The following CENPP variants were observed in gnomAD, a reference collection of about 807,000 sequenced individuals.
CENPP encodes the protein centromere protein P.
Under a neutral mutation model 35.6 loss-of-function variants are expected in CENPP, and 24 were observed. The ratio of observed to expected loss-of-function variants is 0.67; its 90% CI spans 0.49 to 0.95. CENPP has a LOEUF of 0.95. Among genes scored for constraint, CENPP ranks in the 40% least tolerant of loss-of-function variants. The probability of loss-of-function intolerance (pLI) is 0.00; values close to 1 mark genes in which losing one functional copy is unlikely to be tolerated. For synonymous variants in CENPP, 120 were observed against 125.5 expected (o/e 0.96, Z 0.29); for missense variants, 332 against 345.3 (o/e 0.96, Z 0.31).
At chr9:92,588,392 C>T (rs1387406754) in intron 5 of CENPP, among the ~76,000 whole-genome samples, 6 of 151,172 alleles carry the variant, frequency 4.0e-5, no homozygotes, top group African/African-American at 9.7e-5. Context: ...GGACTACAGA[C>T]GCCCGGCACC....
intron 5 of CENPP, among the ~76,000 whole-genome samples, chr9:92,590,008 G>A (rs1360916065): frequency 6.6e-6 from 1 of 152,118 alleles, no homozygotes; most frequent in Admixed American, 6.6e-5. Flanking sequence ...CCAAAAAGAG[G>A]TTTCATTGTT....
chr9:92,421,726 G>A (rs1392167570), intron 5 of CENPP, among the ~76,000 whole-genome samples: 1 of 152,198 alleles, frequency 6.6e-6, no homozygotes, highest in Non-Finnish European at 1.5e-5. Flanking sequence ...TAAGTTGGTG[G>A]AGAATACAGA....
chr9:92,493,934 T>C (rs1186415231), intron 5 of CENPP: 1 of 588,260 alleles, frequency 1.7e-6, no homozygotes, highest in Non-Finnish European at 2.9e-6. Context: ...GGCACCGGTC[T>C]GGATCTGCTG....
intron 5 of CENPP, among the ~76,000 whole-genome samples, chr9:92,518,389 A>G (rs1847856804): frequency 6.6e-6 from 1 of 152,102 alleles, no homozygotes; most frequent in Admixed American, 6.6e-5. Context: ...CAGACTTCCC[A>G]AGCCGCCAGC....
At chr9:92,390,495 G>A (rs952560685) in intron 5 of CENPP, among the ~76,000 whole-genome samples, 2 of 151,894 alleles carry the variant, frequency 1.3e-5, no homozygotes. Context: ...ATGCCTTATC[G>A]CTTAACAACA....
At chr9:92,585,997 C>G (rs1053714296) in intron 5 of CENPP, among the ~76,000 whole-genome samples, 1 of 152,190 alleles carries the variant, frequency 6.6e-6, no homozygotes, top group South Asian at 2.1e-4. Flanking sequence ...CCCACCACCC[C>G]CTCATGAGTT....
rs1588322351 is a variant in CENPP, at chr9:92,613,360, A to G, written c.*211A>G. On this transcript the variant is annotated 3_prime_UTR_variant, in exon 8 of 8. Transcript: ENST00000375587. ...ATGCCAAATAAAAGTGACACGTACA[A>G]TGTGGTTTATAAAAATAAGCTTAAC... 5.7e-6 allele frequency: 3 copies of G among 525,578 alleles called. No individual in the cohort carries two copies. The highest frequency in any genetic ancestry group is 3.6e-5 in the East Asian group (1 of 27,852). The allele number at this position is 525,578 out of a possible 1,614,324, so 32.6% of individuals were successfully genotyped here.
chr9:92,464,968 C>T (rs777574002), intron 5 of CENPP: 22 of 1,613,978 alleles, frequency 1.4e-5, no homozygotes, highest in East Asian at 6.7e-5. Flanking sequence ...TATGGAACAC[C>T]GTCACCCCTT....
chr9:92,544,223 C>A (rs1006730760), intron 5 of CENPP, among the ~76,000 whole-genome samples: 3 of 152,242 alleles, frequency 2.0e-5, no homozygotes, highest in Admixed American at 6.5e-5. Context: ...CGCCTATAAT[C>A]CCAGCACTTT....
chr9:92,326,853 A>C (rs1217692496), intron 1 of CENPP, among the ~76,000 whole-genome samples: 1 of 152,236 alleles, frequency 6.6e-6, no homozygotes, highest in Non-Finnish European at 1.5e-5. Context: ...TTGAGTCAAG[A>C]GTAATTTGAC....
chr9:92,325,984 G>T lies in CENPP; in HGVS notation c.-15G>T, dbSNP rs531568119. Reference sequence around the variant, plus strand: ...ACAGCTGCGCTGCCGGCCCGGCTGCGGTCAGCAACGCGCCATGGACGCAGA... The same window carrying T: ...ACAGCTGCGCTGCCGGCCCGGCTGCTGTCAGCAACGCGCCATGGACGCAGA... On this transcript the variant is annotated 5_prime_UTR_variant, in exon 1 of 8. Coordinates refer to ENST00000375587, the MANE Select transcript of CENPP (RefSeq NM_001012267.3). 3 of 1,546,672 alleles carry T rather than the reference G, an allele frequency of 1.9e-6. No individual in the cohort carries two copies. The East Asian group carries it at 7.3e-5, about 38-fold the overall frequency.
intron 5 of CENPP, among the ~76,000 whole-genome samples, chr9:92,383,754 C>T (rs892681408): frequency 3.3e-5 from 5 of 151,942 alleles, no homozygotes; most frequent in Non-Finnish European, 7.4e-5. Flanking sequence ...ATACCTTTTA[C>T]CAATGTTCTT....
intron 4 of CENPP, among the ~76,000 whole-genome samples, chr9:92,364,442 G>T (rs1458080539): frequency 6.6e-6 from 1 of 152,010 alleles, no homozygotes. Context: ...AGAATCCTTG[G>T]TTGACTGTTT....
At chr9:92,517,793 G>C (rs1218455561) in intron 5 of CENPP, 1 of 1,614,242 alleles carries the variant, frequency 6.2e-7, no homozygotes, top group Admixed American at 1.7e-5. Flanking sequence ...CATCTGAGCA[G>C]AGGCAGGTAG....
intron 5 of CENPP, chr9:92,482,160 T>C (rs936359346): frequency 1.3e-5 from 2 of 152,130 alleles, no homozygotes; most frequent in Admixed American, 1.3e-4. Flanking sequence ...TAAATGCTGA[T>C]TTTTAAGAAA....
chr9:92,338,837 C>T (rs1841016076), intron 3 of CENPP, among the ~76,000 whole-genome samples: 1 of 152,060 alleles, frequency 6.6e-6, no homozygotes, highest in African/African-American at 2.4e-5. Context: ...GATCTTGTAC[C>T]TCGTATTGAA....
At chr9:92,409,522 T>C (rs1234697649) in intron 5 of CENPP, among the ~76,000 whole-genome samples, 1 of 152,182 alleles carries the variant, frequency 6.6e-6, no homozygotes, top group Admixed American at 6.5e-5. Flanking sequence ...CGAGTGAAAA[T>C]GTGTAGTGTT....
In CENPP at chr9:92,613,160, G is replaced by A. The variant is rs764339137; in HGVS notation, c.*11G>A. On this transcript the variant is annotated 3_prime_UTR_variant, in exon 8 of 8. Coordinates refer to ENST00000375587, the MANE Select transcript of CENPP (RefSeq NM_001012267.3). ...GAGGAGAACAACTAGTTCCAAAACAGTGAACGTGGAGGATGAAGATGCTGC... is the reference window on the plus strand; with the variant it reads ...GAGGAGAACAACTAGTTCCAAAACAATGAACGTGGAGGATGAAGATGCTGC... 1 of 1,614,112 alleles carries A rather than the reference G, an allele frequency of 6.2e-7. No homozygotes were observed. The highest frequency in any genetic ancestry group is 8.5e-7 in the Non-Finnish European group (1 of 1,179,994).
chr9:92,620,459 C>A lies in CENPP; in HGVS notation c.*7310C>A, dbSNP rs1038854071. The A allele has an allele frequency of 6.6e-5, 10 of 152,226 alleles. No individual in the cohort carries two copies. The highest frequency in any genetic ancestry group is 1.3e-4 in the Non-Finnish European group (9 of 68,050). 9.4% of individuals were successfully genotyped at this position (152,226 alleles called of 1,614,324 possible). A position where few individuals can be genotyped will look rare whatever the true frequency, so the allele number is the denominator to read the frequency against. ...CTCTCCTCTTCCTTCTTTGGACTTT[C>A]ATATATGGTTTGCATTGTTTTAGAT... On this transcript the variant is annotated 3_prime_UTR_variant, in exon 8 of 8. Coordinates refer to ENST00000375587, the MANE Select transcript of CENPP (RefSeq NM_001012267.3).
Sources: allele counts gnomAD v4.1 joint callset (sites outside exome capture counted in the v4.1 genomes callset), GRCh38; gene constraint gnomAD v4.1.1; transcripts MANE v1.5; gene names NCBI Gene and HGNC (gene_info 2026-07-23, HGNC 2026-07-21).